The following STXBP4 variants were observed in gnomAD, a reference collection of about 807,000 sequenced individuals.
The protein encoded by STXBP4 is syntaxin-binding protein 4.
A neutral mutation model predicts 76.1 loss-of-function variants in STXBP4; 55 were observed. The observed-to-expected ratio is 0.72, with a 90% CI of 0.58 to 0.91. The LOEUF is 0.91. Among genes scored for constraint, STXBP4 ranks in the 40% least tolerant of loss-of-function variants. The probability of loss-of-function intolerance (pLI) is 0.00; values close to 1 mark genes in which losing one functional copy is unlikely to be tolerated. For synonymous variants in STXBP4, 201 were observed against 220.2 expected (o/e 0.91, Z 0.77); for missense variants, 618 against 636.9 (o/e 0.97, Z 0.32).
intron 16 of STXBP4, among the ~76,000 whole-genome samples, chr17:55,123,260 G>T (rs768879311): frequency 6.6e-6 from 1 of 152,118 alleles, no homozygotes; most frequent in South Asian, 2.1e-4. Context: ...ATTCAATAAA[G>T]GGGAAAATTT....
At chr17:55,101,134 A>G (rs1252242405) in intron 16 of STXBP4, among the ~76,000 whole-genome samples, 1 of 152,222 alleles carries the variant, frequency 6.6e-6, no homozygotes, top group African/African-American at 2.4e-5. Context: ...ACACCACAAT[A>G]TAAATTAACA....
At chr17:55,014,016 AT>A (rs1210732232) in intron 8 of STXBP4, among the ~76,000 whole-genome samples, 1 of 152,166 alleles carries the variant, frequency 6.6e-6, no homozygotes, top group African/African-American at 2.4e-5. Flanking sequence ...CTCATTGATA[AT>A]CCTGAGATCT....
intron 16 of STXBP4, among the ~76,000 whole-genome samples, chr17:55,116,172 G>A (rs1598326783): frequency 1.3e-5 from 2 of 151,596 alleles, no homozygotes; most frequent in African/African-American, 2.4e-5. Context: ...AGGAAATATC[G>A]CCACTTCCCA....
chr17:55,011,560 AG>A (rs1408707061), intron 8 of STXBP4, among the ~76,000 whole-genome samples: 3 of 130,572 alleles, frequency 2.3e-5, no homozygotes, highest in Non-Finnish European at 4.6e-5. Context: ...CCCATAACAA[AG>A]GGAGGGGACC....
At chr17:55,085,789 T>C (rs2079318542) in intron 16 of STXBP4, among the ~76,000 whole-genome samples, 1 of 152,078 alleles carries the variant, frequency 6.6e-6, no homozygotes, top group African/African-American at 2.4e-5. Flanking sequence ...ACTATGCCAC[T>C]CATAGTGTCT....
At chr17:55,210,325 A>G in the STXBP4 span, among the ~76,000 whole-genome samples, 194 of 152,302 alleles carry the variant, frequency 1.3e-3, 4 homozygotes, top group South Asian at 0.038. Flanking sequence ...TTCTTTTTCT[A>G]AAGAGATTCA....
intron 4 of STXBP4, among the ~76,000 whole-genome samples, chr17:54,997,458 A>G (rs939262992): frequency 6.6e-6 from 1 of 150,810 alleles, no homozygotes; most frequent in Non-Finnish European, 1.5e-5. Context: ...ACTGCATGTT[A>G]TGTTGTCTGA....
intron 16 of STXBP4, among the ~76,000 whole-genome samples, chr17:55,099,025 T>A (rs1304292630): frequency 6.6e-6 from 1 of 152,178 alleles, no homozygotes; most frequent in Non-Finnish European, 1.5e-5. Context: ...ATATATATAT[T>A]TTAATTTCAT....
chr17:55,053,894 T>C (rs1465446164), intron 12 of STXBP4, among the ~76,000 whole-genome samples: 1 of 152,102 alleles, frequency 6.6e-6, no homozygotes, highest in Non-Finnish European at 1.5e-5. Context: ...TCCTAAAGGC[T>C]TGGAATATAT....
At chr17:55,103,345 A>C (rs1001775344) in intron 16 of STXBP4, among the ~76,000 whole-genome samples, 1 of 152,194 alleles carries the variant, frequency 6.6e-6, no homozygotes, top group Non-Finnish European at 1.5e-5. Flanking sequence ...AGTTTTCTAC[A>C]TATGGCTAGC....
chr17:55,026,338 T>G (rs1471934102), intron 8 of STXBP4, among the ~76,000 whole-genome samples: 1 of 152,050 alleles, frequency 6.6e-6, no homozygotes, highest in Non-Finnish European at 1.5e-5. Context: ...AGAAAAAAGT[T>G]TTTTTTTCCC....
At chr17:55,109,041 A>T (rs2529527) in intron 16 of STXBP4, among the ~76,000 whole-genome samples, 1 of 152,166 alleles carries the variant, frequency 6.6e-6, no homozygotes. Context: ...TGATAGTATT[A>T]TTTTAATCTA....
At chr17:54,979,530 C>T (rs1192397878) in intron 1 of STXBP4, among the ~76,000 whole-genome samples, 1 of 152,148 alleles carries the variant, frequency 6.6e-6, no homozygotes, top group Non-Finnish European at 1.5e-5. Context: ...TATTCCCTCA[C>T]TAACAATATA....
intron 12 of STXBP4, among the ~76,000 whole-genome samples, chr17:55,057,263 C>G (rs991106542): frequency 6.6e-6 from 1 of 152,182 alleles, no homozygotes; most frequent in Non-Finnish European, 1.5e-5. Context: ...CTTCGTAAAT[C>G]TCTTTCATAA....
intron 16 of STXBP4, among the ~76,000 whole-genome samples, chr17:55,081,455 C>T (rs1261689082): frequency 1.3e-5 from 2 of 152,122 alleles, no homozygotes; most frequent in African/African-American, 4.8e-5. Context: ...CGCAGCAGCA[C>T]TGGAAACTGG....
At position 55,172,910 on chromosome 17, in the gene STXBP4, T is replaced by C. The variant is rs1193110097; in HGVS notation, c.*12999T>C. The C allele has an allele frequency of 2.6e-5, 4 of 151,994 alleles. No individual in the cohort carries two copies. The highest frequency in any genetic ancestry group is 4.4e-5 in the Non-Finnish European group (3 of 67,972). The allele number at this position is 151,994 out of a possible 1,614,324, so 9.4% of individuals were successfully genotyped here. On this transcript the variant is annotated 3_prime_UTR_variant, in exon 18 of 18. Transcript: ENST00000376352. The stretch of plus-strand genomic sequence containing the variant: ...TACCTGCTGTGAAGGACTGTAGAGG[T>C]TATCTAAGCCAGCTCCTCCTTTTAC...
intron 16 of STXBP4, among the ~76,000 whole-genome samples, chr17:55,093,320 A>G (rs886514466): frequency 1.3e-5 from 2 of 152,188 alleles, no homozygotes; most frequent in Admixed American, 6.5e-5. Context: ...AAAGTCAGCT[A>G]TACTATTAAT....
At chr17:55,123,440 A>G (rs2079868850) in intron 16 of STXBP4, among the ~76,000 whole-genome samples, 1 of 152,218 alleles carries the variant, frequency 6.6e-6, no homozygotes, top group African/African-American at 2.4e-5. Context: ...GATAATTCTC[A>G]TATTTCCTAG....
intron 4 of STXBP4, among the ~76,000 whole-genome samples, chr17:54,996,862 C>G (rs559376597): frequency 1.3e-5 from 2 of 152,164 alleles, no homozygotes; most frequent in African/African-American, 4.8e-5. Context: ...ATTTAGAAAA[C>G]TATATACCAA....
Sources: gnomAD v4.1 joint callset for allele counts (sites outside exome capture counted in the v4.1 genomes callset) on GRCh38, gnomAD v4.1.1 for gene constraint, MANE v1.5 for transcripts, NCBI Gene and HGNC (gene_info 2026-07-23, HGNC 2026-07-21) for gene names.